USP34: variants seen among roughly 807,000 people sequenced by gnomAD.
USP34 encodes the protein ubiquitin carboxyl-terminal hydrolase 34.
A neutral mutation model predicts 460.3 loss-of-function variants in USP34; 70 were observed. The ratio of observed to expected loss-of-function variants is 0.15; its 90% CI spans 0.13 to 0.19. USP34 has a LOEUF of 0.19. USP34 is among the 10% of genes least tolerant of loss of function. The pLI, the probability that USP34 is intolerant of heterozygous loss-of-function variation, is 1.00. For missense variants in USP34, 3,985 were observed against 4,236.2 expected (o/e 0.94, Z 1.65); for synonymous variants, 1,647 against 1,405.3 (o/e 1.17, Z -3.85).
chr2:61,249,161 G>C (rs1342737558), intron 48 of USP34, among the ~76,000 whole-genome samples: 1 of 152,196 alleles, frequency 6.6e-6, no homozygotes, highest in Non-Finnish European at 1.5e-5. Context: ...CTCATCGTAT[G>C]ATTTTTTTCT....
chr2:61,284,796 A>T (rs1333372050), intron 35 of USP34, 79 bp downstream of exon 35: 1 of 1,177,484 alleles, frequency 8.5e-7, no homozygotes, highest in Non-Finnish European at 1.2e-6. Context: ...TATTAAGTTT[A>T]GAATTTTTCA....
chr2:61,325,536 A>G, intron 20 of USP34, 79 bp from the exon 21 acceptor site: 1 of 748,502 alleles, frequency 1.3e-6, no homozygotes, highest in Non-Finnish European at 2.0e-6. Flanking sequence ...CCTATGCATA[A>G]CTTATACCAA....
At chr2:61,390,884 C>A (rs925573008) in intron 5 of USP34, among the ~76,000 whole-genome samples, 2 of 151,670 alleles carry the variant, frequency 1.3e-5, no homozygotes, top group African/African-American at 4.8e-5. Context: ...ATCGCAAGGT[C>A]AAGAGATTGA....
chr2:61,267,388 G>C (rs1689081751), intron 41 of USP34, among the ~76,000 whole-genome samples: 1 of 151,368 alleles, frequency 6.6e-6, no homozygotes, highest in Non-Finnish European at 1.5e-5. Flanking sequence ...GTAATTCATA[G>C]TTCTTAGCAA....
chr2:61,432,250 G>T (rs951420000), intron 1 of USP34, among the ~76,000 whole-genome samples: 1 of 152,002 alleles, frequency 6.6e-6, no homozygotes, highest in Admixed American at 6.6e-5. Flanking sequence ...AAGGTGGGCA[G>T]ATGGCTTGAA....
chr2:61,371,512 C>T (rs1692625619), intron 8 of USP34, among the ~76,000 whole-genome samples: 1 of 149,858 alleles, frequency 6.7e-6, no homozygotes, highest in South Asian at 2.1e-4. Flanking sequence ...TTTTGTACAG[C>T]CATACAACGT....
chr2:61,206,197 C>G, intron 71 of USP34, 73 bp from the exon 72 acceptor site: 1 of 1,228,140 alleles, frequency 8.1e-7, no homozygotes. Flanking sequence ...CTACTGTAAA[C>G]TACAGAATGC....
At chr2:61,400,896 A>G (rs1207049087) in intron 3 of USP34, among the ~76,000 whole-genome samples, 2 of 152,152 alleles carry the variant, frequency 1.3e-5, no homozygotes, top group African/African-American at 4.8e-5. Flanking sequence ...TTACGCCTGT[A>G]ATCCCAGCAT....
chr2:61,459,069 A>C (rs919111199), intron 1 of USP34, among the ~76,000 whole-genome samples: 38 of 152,310 alleles, frequency 2.5e-4, no homozygotes, highest in Middle Eastern at 3.4e-3. Flanking sequence ...CCATCTCGGG[A>C]AAAAATAAAA....
chr2:61,322,632 G>C (rs560328882), intron 21 of USP34, among the ~76,000 whole-genome samples: 1 of 152,180 alleles, frequency 6.6e-6, no homozygotes, highest in East Asian at 1.9e-4. Context: ...GGGAAAAGTA[G>C]ATGAAATGAC....
chr2:61,277,031 A>G (rs929136953), intron 41 of USP34, among the ~76,000 whole-genome samples: 5 of 152,224 alleles, frequency 3.3e-5, no homozygotes, highest in Admixed American at 2.6e-4. Flanking sequence ...GAGACAATCA[A>G]AATGAGACAT....
chr2:61,459,109 A>G (rs1573065861), intron 1 of USP34, among the ~76,000 whole-genome samples: 1 of 152,248 alleles, frequency 6.6e-6, no homozygotes, highest in South Asian at 2.1e-4. Flanking sequence ...CTTTAGCCCA[A>G]ATAAATCTCT....
chr2:61,344,876 G>C (rs536817143), intron 15 of USP34, among the ~76,000 whole-genome samples: 1 of 152,226 alleles, frequency 6.6e-6, no homozygotes. Flanking sequence ...CAAAACTGAG[G>C]AGATGCTAGT....
At chr2:61,284,771 T>A in intron 35 of USP34, 104 bp downstream of exon 35, 1 of 834,994 alleles carries the variant, frequency 1.2e-6, no homozygotes, top group South Asian at 2.5e-5. Flanking sequence ...CATCATAATA[T>A]CCCCCAAATT....
chr2:61,380,487 T>A (rs1692937798), intron 6 of USP34, 126 bp from the exon 7 acceptor site: 1 of 965,120 alleles, frequency 1.0e-6, no homozygotes, highest in Non-Finnish European at 1.5e-6. Flanking sequence ...AAACCTCTGG[T>A]TTTCCTCTCA....
At chr2:61,194,985 A>G (rs1173279987) in intron 75 of USP34, among the ~76,000 whole-genome samples, 6 of 149,304 alleles carry the variant, frequency 4.0e-5, no homozygotes, top group Non-Finnish European at 5.9e-5. Context: ...TGGGCCAGGT[A>G]TGGTGACTCA....
chr2:61,332,752 C>A (rs778382568), intron 19 of USP34, among the ~76,000 whole-genome samples: 1 of 151,934 alleles, frequency 6.6e-6, no homozygotes, highest in Non-Finnish European at 1.5e-5. Context: ...GAAGGACCTT[C>A]CTTGCAAAAA....
intron 1 of USP34, among the ~76,000 whole-genome samples, chr2:61,423,830 A>G (rs1694432262): frequency 6.6e-6 from 1 of 152,194 alleles, no homozygotes; most frequent in Non-Finnish European, 1.5e-5. Context: ...ACATGCCTAT[A>G]GTTCTAGCTA....
At chr2:61,235,534 C>A (rs1454437174) in intron 57 of USP34, among the ~76,000 whole-genome samples, 2 of 151,914 alleles carry the variant, frequency 1.3e-5, no homozygotes, top group East Asian at 1.9e-4. Context: ...CCACGTTGGC[C>A]AGGATGGGCT....
Sources: allele counts gnomAD v4.1 joint callset (sites outside exome capture counted in the v4.1 genomes callset), GRCh38; gene constraint gnomAD v4.1.1; transcripts MANE v1.5; gene names NCBI Gene and HGNC (gene_info 2026-07-23, HGNC 2026-07-21).